TK2: variants seen among roughly 807,000 people sequenced by gnomAD.
The protein encoded by TK2 is thymidine kinase 2.
In TK2, 35 loss-of-function variants were observed where a neutral mutation model predicts 41.9. That is an observed-to-expected ratio of 0.84 (90% CI 0.64 to 1.11). TK2 has a LOEUF of 1.11. Among genes scored for constraint, TK2 ranks in the 50% least tolerant of loss-of-function variants. The pLI is 0.00. For synonymous variants in TK2, 128 were observed against 129.1 expected, an observed-to-expected ratio of 0.99 and a Z score of 0.06; for missense variants, 320 against 351.1, an observed-to-expected ratio of 0.91 and a Z score of 0.71.
Position 66,532,523 on chromosome 16 carries a change from T to C in TK2, c.286-1054A>G, listed in dbSNP as rs544721989. Among the ~76,000 whole-genome samples, 4 of 152,190 alleles carry C rather than the reference T, an allele frequency of 2.6e-5. No homozygotes were observed. The East Asian group carries it at 7.7e-4, about 29-fold the overall frequency. On this transcript the variant is annotated intron_variant, in intron 4 of 9. Transcript: ENST00000544898. ...TAGAGGCTGAGACATGAGAATCGCT[T>C]GAACCCAGGAGGCAGAGGCTGCAGT... is the stretch of plus-strand genomic sequence containing the variant.
chr16:66,536,859 A>T, intron 4 of TK2, 105 bp downstream of exon 4: 1 of 1,359,610 alleles, frequency 7.4e-7, no homozygotes, highest in Non-Finnish European at 1.1e-6. Flanking sequence ...CAACTCAGTT[A>T]AGAGCGCAGA....
intron 9 of TK2, among the ~76,000 whole-genome samples, chr16:66,512,325 G>C (rs796120004): frequency 6.6e-6 from 1 of 152,212 alleles, no homozygotes; most frequent in Non-Finnish European, 1.5e-5. Context: ...CACTTTGGGA[G>C]GCTGAGACCT....
At chr16:66,519,264 C>T (rs564658692) in intron 6 of TK2, among the ~76,000 whole-genome samples, 2 of 152,244 alleles carry the variant, frequency 1.3e-5, no homozygotes, top group Admixed American at 6.5e-5. Context: ...CAGCAATCTC[C>T]GCCTCCTAGG....
intron 5 of TK2, among the ~76,000 whole-genome samples, chr16:66,529,918 C>G (rs1336166816): frequency 6.6e-6 from 1 of 152,196 alleles, no homozygotes; most frequent in Non-Finnish European, 1.5e-5. Context: ...TCTCCTTCTG[C>G]TCATCTTTCC....
chr16:66,541,818 C>T, intron 3 of TK2, 61 bp downstream of exon 3: 1 of 1,563,048 alleles, frequency 6.4e-7, no homozygotes, highest in South Asian at 1.1e-5. Flanking sequence ...AGTCCACACC[C>T]TCTATAAATT....
Position 66,517,690 on chromosome 16 carries a change from G to T in TK2, c.538+99C>A. 9.1e-7 allele frequency: 1 copy of T among 1,102,254 alleles called. No individual in the cohort carries two copies. The highest frequency in any genetic ancestry group is 1.4e-6 in the Non-Finnish European group (1 of 714,814). 68.3% of individuals were successfully genotyped at this position (1,102,254 alleles called of 1,614,324 possible). On this transcript the variant is annotated intron_variant, in intron 7 of 9. Coordinates refer to ENST00000544898, the MANE Select transcript of TK2 (RefSeq NM_004614.5). This position sits in a 1 kb window ranked among gnomAD's most constrained non-coding sequence, Gnocchi z 4.3. ...GGGGAAGGAACTGCCAAGGGCAAGTGCCTCACCCACTGCCCCCAAGGGTTG... is the reference window on the plus strand; with the variant it reads ...GGGGAAGGAACTGCCAAGGGCAAGTTCCTCACCCACTGCCCCCAAGGGTTG...
At chr16:66,519,842 A>G (rs1964728133) in intron 6 of TK2, among the ~76,000 whole-genome samples, 1 of 152,056 alleles carries the variant, frequency 6.6e-6, no homozygotes, top group South Asian at 2.1e-4. Context: ...GGGAGGGGGC[A>G]GGGAGGGGCT....
chr16:66,547,682 T>C (rs539995769), intron 2 of TK2, among the ~76,000 whole-genome samples: 1 of 149,948 alleles, frequency 6.7e-6, no homozygotes, highest in South Asian at 2.1e-4. Context: ...CAGACAGACC[T>C]CCCCCATCAG....
chr16:66,541,766 C>T (rs1965463346), intron 3 of TK2, 113 bp downstream of exon 3: 1 of 1,097,488 alleles, frequency 9.1e-7, no homozygotes, highest in Non-Finnish European at 1.4e-6. Flanking sequence ...ACACCTGTGG[C>T]TTGCACTTGT....
Position 66,513,750 on chromosome 16 carries a change from G to C in TK2, c.680C>G (p.Pro227Arg), listed in dbSNP as rs754140768. 1 of 1,614,026 alleles carries C rather than the reference G, an allele frequency of 6.2e-7. No homozygotes were observed. The highest frequency in any genetic ancestry group is 1.1e-5 in the South Asian group (1 of 91,080). Residue 227 changes from proline (P) to arginine (R), a missense_variant, in exon 9 of 10, where the codon CCC becomes CGC. Transcript: ENST00000544898. ...ACTTACCAGAACAGGGGCTGCCATG[G>C]GGAAAAGGCTGCCTTTGATGAGCCA... Reference protein sequence around the residue: ...EEWLIKGSLFPMAAPVLVIEA... With the variant: ...EEWLIKGSLFRMAAPVLVIEA...
At chr16:66,521,502 C>A (rs1964779493) in intron 6 of TK2, among the ~76,000 whole-genome samples, 1 of 152,212 alleles carries the variant, frequency 6.6e-6, no homozygotes, top group South Asian at 2.1e-4. Flanking sequence ...GTAGGCCAGA[C>A]CTATTGAAAA....
rs560801197 is a variant in TK2 at position 66,513,889 on chromosome 16, T to G, written c.619-78A>C. ...TACCAAGGGTGTCAAGCAGAGGGGG[T>G]CAAAGTAGTCAATGACCATGGGCAG... On this transcript the variant is annotated intron_variant, in intron 8 of 9. Coordinates refer to ENST00000544898, the MANE Select transcript of TK2 (RefSeq NM_004614.5). The G allele has an allele frequency of 2.3e-4, 286 of 1,242,988 alleles. No homozygotes were observed. In the African/African-American group the frequency reaches 3.9e-3, roughly 17 times the overall value. The allele number at this position is 1,242,988 out of a possible 1,614,324, so 77.0% of individuals were successfully genotyped here. A position where few individuals can be genotyped will look rare whatever the true frequency, so the allele number is the denominator to read the frequency against.
chr16:66,539,030 C>G (rs1346995027), intron 3 of TK2, among the ~76,000 whole-genome samples: 1 of 152,148 alleles, frequency 6.6e-6, no homozygotes, highest in Non-Finnish European at 1.5e-5. Flanking sequence ...AGGGTGAGAT[C>G]ATTTAGTATT....
At chr16:66,527,963 C>T (rs1477578344) in intron 6 of TK2, among the ~76,000 whole-genome samples, 4 of 152,060 alleles carry the variant, frequency 2.6e-5, no homozygotes, top group South Asian at 2.1e-4. Context: ...GCCTGAGAGA[C>T]GGAGGTTGCA....
rs1964456783 is a variant in TK2, at chr16:66,511,766, A to T, written c.*202T>A. 1 of 634,364 alleles carries T rather than the reference A, an allele frequency of 1.6e-6. No homozygotes were observed. Among genetic ancestry groups the T allele is most frequent in the Non-Finnish European group, 2.8e-6 (1 of 352,058 alleles). 39.3% of individuals were successfully genotyped at this position (634,364 alleles called of 1,614,324 possible). On this transcript the variant is annotated 3_prime_UTR_variant, in exon 10 of 10. Coordinates refer to ENST00000544898, the MANE Select transcript of TK2 (RefSeq NM_004614.5). ...GCTGCGAACAGCAAAGGGCTTGGCAAACCCATTGGTCCCGTTTGTCATTTA... is the reference window on the plus strand; with the variant it reads ...GCTGCGAACAGCAAAGGGCTTGGCATACCCATTGGTCCCGTTTGTCATTTA...
At chr16:66,521,093 C>T (rs924494337) in intron 6 of TK2, among the ~76,000 whole-genome samples, 2 of 152,198 alleles carry the variant, frequency 1.3e-5, no homozygotes, top group Non-Finnish European at 2.9e-5. Context: ...CTGCACAGCT[C>T]GAGGGAGACT....
chr16:66,514,352 C>T lies in TK2; in HGVS notation c.619-541G>A, dbSNP rs554628860. On this transcript the variant is annotated intron_variant, in intron 8 of 9. Transcript: ENST00000544898. This position sits in a 1 kb window ranked among gnomAD's most constrained non-coding sequence, Gnocchi z 4.2. ...GCCGGGCTGGTCTCCAGCTCCTAAC[C>T]GCGAGTGATCCGCCAGCCTCGGCCT... 1.3e-5 allele frequency among the ~76,000 whole-genome samples: 2 copies of T among 152,376 alleles called. No individual in the cohort carries two copies. The highest frequency in any genetic ancestry group is 6.5e-5 in the Admixed American group (1 of 15,314).
In TK2 at chr16:66,532,804, A is replaced by G. The variant is rs8047367; in HGVS notation, c.286-1335T>C. On this transcript the variant is annotated intron_variant, in intron 4 of 9. Coordinates refer to ENST00000544898, the MANE Select transcript of TK2 (RefSeq NM_004614.5). ...ACTATTAAAATGACAATACTACCCA[A>G]AGCAATTTACAGATTCAATGTAATC... Among the ~76,000 whole-genome samples the G allele has an allele frequency of 1.9e-3, 286 of 152,190 alleles. 2 individuals are homozygous for G. The highest frequency in any genetic ancestry group is 6.6e-3 in the African/African-American group (275 of 41,518).
At chr16:66,540,433 A>G (rs1307169491) in intron 3 of TK2, among the ~76,000 whole-genome samples, 4 of 152,128 alleles carry the variant, frequency 2.6e-5, no homozygotes, top group Admixed American at 6.5e-5. Context: ...TCAGCCTCCT[A>G]AAGTGCTGGG....
Sources: allele counts gnomAD v4.1 joint callset (sites outside exome capture counted in the v4.1 genomes callset), GRCh38; gene constraint gnomAD v4.1.1; non-coding constraint Gnocchi (gnomAD v3.1); transcripts MANE v1.5; gene names NCBI Gene and HGNC (gene_info 2026-07-23, HGNC 2026-07-21).